The following TXK variants were observed in gnomAD, a reference collection of about 807,000 sequenced individuals.
TXK encodes tyrosine-protein kinase TXK.
Under a neutral mutation model 81.0 loss-of-function variants are expected in TXK, and 60 were observed. The observed-to-expected ratio is 0.74, with a 90% confidence interval of 0.60 to 0.92. The LOEUF is 0.92. TXK is among the 40% of genes least tolerant of loss of function. The pLI is 0.00. For missense variants in TXK, 581 were observed against 638.3 expected (o/e 0.91, Z 0.97); for synonymous variants, 203 against 210.7 (o/e 0.96, Z 0.32).
At chr4:48,103,204 C>T (rs35067106) in intron 6 of TXK, among the ~76,000 whole-genome samples, 47,101 of 152,114 alleles carry the variant, frequency 0.31, 8,725 homozygotes, top group Non-Finnish European at 0.41. Flanking sequence ...TGAATCTGCA[C>T]AGCCCAGTGA....
At position 48,069,665 on chromosome 4, in the gene TXK, C is replaced by A. The variant is rs147474588; in HGVS notation, c.1515+1852G>T. On this transcript the variant is annotated intron_variant, in intron 14 of 14. Transcript: ENST00000264316. ...AAACAAATAAATCGACATAACCACACCATTGTATTAATCAATGTTCTGATT... is the reference window on the plus strand; with the variant it reads ...AAACAAATAAATCGACATAACCACAACATTGTATTAATCAATGTTCTGATT... 3.1e-3 allele frequency among the ~76,000 whole-genome samples: 474 copies of A among 152,266 alleles called. 5 individuals are homozygous for A. Among genetic ancestry groups the A allele is most frequent in the African/African-American group, 0.011 (454 of 41,552 alleles).
intron 1 of TXK, among the ~76,000 whole-genome samples, chr4:48,116,572 G>A (rs1418031400): frequency 6.6e-6 from 1 of 152,214 alleles, no homozygotes; most frequent in Non-Finnish European, 1.5e-5. Context: ...GGAAGGGAAG[G>A]TTACCAGAAC....
intron 8 of TXK, among the ~76,000 whole-genome samples, chr4:48,092,706 T>C (rs775897347): frequency 2.6e-5 from 4 of 151,972 alleles, no homozygotes; most frequent in Non-Finnish European, 4.4e-5. Flanking sequence ...GTCAGAAGAA[T>C]GGAAGAGATA....
intron 10 of TXK, among the ~76,000 whole-genome samples, chr4:48,080,714 A>G (rs1717269447): frequency 6.6e-6 from 1 of 150,960 alleles, no homozygotes; most frequent in Admixed American, 6.6e-5. Flanking sequence ...AAAGACTTGA[A>G]TGTTGCCTAT....
intron 11 of TXK, among the ~76,000 whole-genome samples, chr4:48,079,393 G>T (rs563879531): frequency 6.6e-6 from 1 of 152,238 alleles, no homozygotes; most frequent in South Asian, 2.1e-4. Flanking sequence ...TGCACTTGAT[G>T]GATCAGCTGG....
chr4:48,082,333 G>T (rs1353770016), intron 10 of TXK, among the ~76,000 whole-genome samples: 2 of 152,114 alleles, frequency 1.3e-5, no homozygotes, highest in African/African-American at 4.8e-5. Context: ...GAGACTGATA[G>T]AACAGACTCT....
Position 48,067,718 on chromosome 4 carries a change from A to AGTGG in TXK, c.1516-17_1516-14dup, listed in dbSNP as rs1459219951. ...GGCCTTCAGGTTTCTGGAAAAGGGA[A>AGTGG]GTGGGGGTGGTTAGCTCAGCTTAAC... On this transcript the variant is annotated splice_polypyrimidine_tract_variant and intron_variant, in intron 14 of 14. Transcript: ENST00000264316. The AGTGG allele has an allele frequency of 6.2e-7, 1 of 1,613,378 alleles. No individual in the cohort carries two copies. The highest frequency in any genetic ancestry group is 8.5e-7 in the Non-Finnish European group (1 of 1,179,400).
At chr4:48,073,714 C>T (rs559996730) in intron 13 of TXK, among the ~76,000 whole-genome samples, 11 of 152,230 alleles carry the variant, frequency 7.2e-5, no homozygotes, top group African/African-American at 2.2e-4. Flanking sequence ...AGTGAGTGCC[C>T]ATGGAGGAAG....
chr4:48,070,533 T>C (rs1716799048), intron 14 of TXK, among the ~76,000 whole-genome samples: 1 of 152,210 alleles, frequency 6.6e-6, no homozygotes, highest in Non-Finnish European at 1.5e-5. Flanking sequence ...AGCCTGGTTC[T>C]ACCCTTAGTT....
intron 12 of TXK, among the ~76,000 whole-genome samples, chr4:48,074,793 T>C (rs183987747): frequency 4.6e-5 from 7 of 152,326 alleles, no homozygotes; most frequent in African/African-American, 1.7e-4. Context: ...TCACTTTTTT[T>C]TTAAATACAC....
chr4:48,084,190 A>G (rs1158939466), intron 10 of TXK, among the ~76,000 whole-genome samples: 2 of 151,812 alleles, frequency 1.3e-5, no homozygotes, highest in Non-Finnish European at 2.9e-5. Flanking sequence ...GCTGAGCTCA[A>G]TTGATCCTCC....
In TXK at chr4:48,071,565, G is replaced by C. The variant is rs1471766260; in HGVS notation, c.1467C>G (p.His489Gln). The C allele has an allele frequency of 4.3e-6, 7 of 1,614,180 alleles. No homozygotes were observed. The highest frequency in any genetic ancestry group is 5.9e-6 in the Non-Finnish European group (7 of 1,180,024). ...CTTCATATATGGACATTGGTGCCAG[G>C]TGAGGGCGATATAGCCTGAAGCCTT... is the stretch of plus-strand genomic sequence containing the variant. ...ISEGFRLYRP[H>Q]LAPMSIYEVM... The change falls in exon 14 of 15, where the codon CAC becomes CAG. Residue 489 changes from histidine (H) to glutamine (Q), a missense_variant. Coordinates refer to ENST00000264316, the MANE Select transcript of TXK (RefSeq NM_003328.3).
intron 14 of TXK, among the ~76,000 whole-genome samples, chr4:48,069,843 T>C (rs1345552533): frequency 1.3e-5 from 2 of 152,142 alleles, no homozygotes; most frequent in South Asian, 2.1e-4. Context: ...ATACACAACA[T>C]ATACTTCTGA....
chr4:48,074,124 T>A, intron 12 of TXK, 71 bp from the exon 13 acceptor site: 1 of 1,220,732 alleles, frequency 8.2e-7, no homozygotes, highest in Admixed American at 1.9e-5. Context: ...ATCCCTTTAG[T>A]TAACTCTAAG....
chr4:48,069,317 T>C (rs1716740874), intron 14 of TXK, among the ~76,000 whole-genome samples: 1 of 29,540 alleles, frequency 3.4e-5, no homozygotes, highest in Non-Finnish European at 8.6e-5. Context: ...TAAATCAATC[T>C]TTTCTTTTCT....
intron 5 of TXK, among the ~76,000 whole-genome samples, chr4:48,109,129 T>C (rs1482785675): frequency 6.6e-6 from 1 of 151,926 alleles, no homozygotes; most frequent in Non-Finnish European, 1.5e-5. Flanking sequence ...CAGCTCAGGA[T>C]AGCAGTGAGA....
chr4:48,118,543 C>G (rs571609715), intron 1 of TXK, among the ~76,000 whole-genome samples: 2 of 152,296 alleles, frequency 1.3e-5, no homozygotes, highest in South Asian at 4.1e-4. Flanking sequence ...ACCCAGCTCA[C>G]GATAAGCAGC....
chr4:48,071,863 T>C (rs1414140984), intron 13 of TXK, among the ~76,000 whole-genome samples, 189 bp from the exon 14 acceptor site: 1 of 152,134 alleles, frequency 6.6e-6, no homozygotes, highest in Non-Finnish European at 1.5e-5. Context: ...GCCTGTAACC[T>C]GAAAATAATC....
intron 13 of TXK, among the ~76,000 whole-genome samples, chr4:48,072,275 T>C (rs1716894163): frequency 6.6e-6 from 1 of 152,190 alleles, no homozygotes; most frequent in South Asian, 2.1e-4. Flanking sequence ...AGTGCTGGAA[T>C]TACAAACGTA....
Sources: gnomAD v4.1 joint callset for allele counts (sites outside exome capture counted in the v4.1 genomes callset) on GRCh38, gnomAD v4.1.1 for gene constraint, MANE v1.5 for transcripts, NCBI Gene and HGNC (gene_info 2026-07-23, HGNC 2026-07-21) for gene names.